PARP15: variants seen among roughly 807,000 people sequenced by gnomAD.
PARP15 encodes protein mono-ADP-ribosyltransferase PARP15.
Under a neutral mutation model 62.1 loss-of-function variants are expected in PARP15, and 50 were observed. That is an observed-to-expected ratio of 0.81 (90% CI 0.64 to 1.02). The LOEUF is 1.02. PARP15 is among the 50% of genes least tolerant of loss of function. PARP15 has a pLI of 0.00. For synonymous variants in PARP15, 309 were observed against 293.1 expected, an observed-to-expected ratio of 1.05 and a Z score of -0.55; for missense variants, 820 against 826.5, an observed-to-expected ratio of 0.99 and a Z score of 0.10.
chr3:122,589,366 A>G (rs927049507), intron 1 of PARP15, among the ~76,000 whole-genome samples: 1 of 152,226 alleles, frequency 6.6e-6, no homozygotes, highest in African/African-American at 2.4e-5. Flanking sequence ...GAATTTAAAG[A>G]GGGACACAAA....
chr3:122,617,239 C>A, intron 6 of PARP15, 75 bp downstream of exon 6: 1 of 1,443,990 alleles, frequency 6.9e-7, no homozygotes, highest in Non-Finnish European at 9.6e-7. Flanking sequence ...CTAATATTTG[C>A]CCTGAGTGGA....
At chr3:122,606,827 A>G (rs1353336346) in intron 2 of PARP15, among the ~76,000 whole-genome samples, 1 of 152,156 alleles carries the variant, frequency 6.6e-6, no homozygotes, top group African/African-American at 2.4e-5. Flanking sequence ...CTATAGCCCC[A>G]CCATTTGGAC....
At chr3:122,579,877 G>A (rs2080761639) in intron 1 of PARP15, among the ~76,000 whole-genome samples, 1 of 151,144 alleles carries the variant, frequency 6.6e-6, no homozygotes, top group Admixed American at 6.6e-5. Flanking sequence ...TACTCAAGAG[G>A]CTGAGGTAGG....
chr3:122,579,609 G>T lies in PARP15; in HGVS notation c.186+1756G>T, dbSNP rs140851670. ...TTGGAGCCTTAGGTATCACTAATTTGCTACTGCTTTCTATTAATAGTTAAA... is the reference window on the plus strand; with the variant it reads ...TTGGAGCCTTAGGTATCACTAATTTTCTACTGCTTTCTATTAATAGTTAAA... On this transcript the variant is annotated intron_variant, in intron 1 of 11. Transcript: ENST00000464300. Among the ~76,000 whole-genome samples, 974 of 152,216 alleles carry T rather than the reference G, an allele frequency of 6.4e-3. 6 individuals carry two copies. Among genetic ancestry groups the T allele is most frequent in the Middle Eastern group, 0.014 (4 of 292 alleles).
Position 122,615,764 on chromosome 3 carries a change from T to C in PARP15, c.772-15T>C. On this transcript the variant is annotated splice_polypyrimidine_tract_variant and intron_variant, in intron 4 of 11. Transcript: ENST00000464300. ...ACACAATATTGTTGTAGTCAGTAAC[T>C]GTTTCTATTTCCAGGCATTTTTAGA... is the stretch of plus-strand genomic sequence containing the variant. 6.2e-7 allele frequency: 1 copy of C among 1,609,582 alleles called. No homozygotes were observed. The highest frequency in any genetic ancestry group is 8.5e-7 in the Non-Finnish European group (1 of 1,175,896).
At position 122,637,353 on chromosome 3, in the gene PARP15, T is replaced by C. The variant is rs2668334; in HGVS notation, c.*1253T>C. On this transcript the variant is annotated 3_prime_UTR_variant, in exon 12 of 12. Transcript: ENST00000464300. ...GGGACAGTGTTAATTAGTGGAAAAC[T>C]CTTTTTCAAAAGTTGAAATCAGTTC... 43,346 of 151,868 alleles carry C rather than the reference T, an allele frequency of 0.29. 7,080 individuals carry two copies. The highest frequency in any genetic ancestry group is 0.45 in the African/African-American group (18,628 of 41,366). The allele number at this position is 151,868 out of a possible 1,614,324, so 9.4% of individuals were successfully genotyped here.
intron 1 of PARP15, among the ~76,000 whole-genome samples, chr3:122,578,543 T>C (rs537094894): frequency 6.6e-6 from 1 of 152,276 alleles, no homozygotes; most frequent in South Asian, 2.1e-4. Flanking sequence ...TAGACTTTCA[T>C]ATGTGGTTCG....
chr3:122,627,255 GT>G (rs1425667102), intron 9 of PARP15, among the ~76,000 whole-genome samples: 1 of 152,184 alleles, frequency 6.6e-6, no homozygotes, highest in African/African-American at 2.4e-5. Context: ...AATAGGAATG[GT>G]AAATAAACAG....
intron 4 of PARP15, chr3:122,615,523 C>A: frequency 2.7e-6 from 3 of 1,122,202 alleles, no homozygotes; most frequent in South Asian, 3.3e-5. Context: ...TCCTGCAGAG[C>A]CACAGTCAGC....
intron 1 of PARP15, among the ~76,000 whole-genome samples, chr3:122,601,754 G>A (rs1934813983): frequency 6.6e-6 from 1 of 152,174 alleles, no homozygotes; most frequent in African/African-American, 2.4e-5. Flanking sequence ...TGCAGGTATT[G>A]TGTGAACAAA....
chr3:122,619,536 T>C (rs1266416856), intron 6 of PARP15, among the ~76,000 whole-genome samples: 2 of 152,192 alleles, frequency 1.3e-5, no homozygotes, highest in African/African-American at 2.4e-5. Context: ...CAGTCCTGTA[T>C]AAATAGAGAA....
At chr3:122,621,295 T>C in intron 7 of PARP15, 149 bp from the exon 8 acceptor site, 3 of 750,284 alleles carry the variant, frequency 4.0e-6, no homozygotes, top group South Asian at 2.0e-5. Context: ...AATGTGGTTG[T>C]CACAGTCCAG....
intron 2 of PARP15, among the ~76,000 whole-genome samples, chr3:122,608,677 A>G (rs1032425991): frequency 5.9e-5 from 9 of 151,898 alleles, no homozygotes; most frequent in African/African-American, 1.9e-4. Flanking sequence ...ATGATTTCCT[A>G]TCTTTTTTGA....
chr3:122,627,013 C>T lies in PARP15; in HGVS notation c.1418C>T (p.Ser473Phe). 1 of 1,611,962 alleles carries T rather than the reference C, an allele frequency of 6.2e-7. No homozygotes were observed. The highest frequency in any genetic ancestry group is 8.5e-7 in the Non-Finnish European group (1 of 1,178,550). ...RDLSASLNFQ[S>F]TFSMTTCNLP... ...CTCTCTGCATCACTGAACTTTCAGT[C>T]CACATTCTCCATGACTACATGTAAG... Residue 473 changes from serine to phenylalanine, a missense_variant, in exon 9 of 12, where the codon TCC becomes TTC. By Grantham distance (155) the Ser-to-Phe change is radical. This residue lies in a region of PARP15 where 731 missense variants were observed against 727.7 expected (regional missense o/e 1.00). Transcript: ENST00000464300.
chr3:122,579,227 T>A (rs150980098), intron 1 of PARP15, among the ~76,000 whole-genome samples: 5 of 152,234 alleles, frequency 3.3e-5, no homozygotes, highest in Non-Finnish European at 7.3e-5. Flanking sequence ...TTTATAGTTA[T>A]CTTCACATAA....
intron 1 of PARP15, among the ~76,000 whole-genome samples, chr3:122,586,755 C>T (rs893855011): frequency 4.6e-5 from 7 of 151,594 alleles, no homozygotes; most frequent in African/African-American, 1.7e-4. Flanking sequence ...CAACATCCAG[C>T]GCCAGAGTGG....
At chr3:122,609,711 TA>T (rs34604043) in intron 2 of PARP15, among the ~76,000 whole-genome samples, 178 of 139,790 alleles carry the variant, frequency 1.3e-3, no homozygotes, top group Middle Eastern at 7.3e-3. Context: ...AAAAAAAAAT[TA>T]AAAAAAAAAA....
intron 9 of PARP15, among the ~76,000 whole-genome samples, chr3:122,628,568 A>G (rs952864026): frequency 2.0e-5 from 3 of 152,246 alleles, no homozygotes; most frequent in African/African-American, 7.2e-5. Flanking sequence ...AATAAAGCTT[A>G]ACTGGTTCAT....
chr3:122,617,122 G>A lies in PARP15; in HGVS notation c.958G>A (p.Val320Ile). ...TGDIATEQVDVIVNSTARTFN... is the reference protein window; with the variant it reads ...TGDIATEQVDIIVNSTARTFN... ...AGATATAGCCACTGAACAGGTAGAT[G>A]TTATTGTAAACTCAACAGCAAGGAC... The change falls in exon 6 of 12, where the codon GTT (valine) becomes ATT (isoleucine). Residue 320 changes from valine to isoleucine, a missense_variant. This residue lies in a region of PARP15 where 731 missense variants were observed against 727.7 expected (regional missense o/e 1.00). Transcript: ENST00000464300. 1 of 1,614,002 alleles carries A rather than the reference G, an allele frequency of 6.2e-7. No homozygotes were observed. The highest frequency in any genetic ancestry group is 1.1e-5 in the South Asian group (1 of 91,074).
Sources: allele counts gnomAD v4.1 joint callset (sites outside exome capture counted in the v4.1 genomes callset), GRCh38; gene constraint gnomAD v4.1.1; regional missense constraint gnomAD v4.1.1; transcripts MANE v1.5; gene names NCBI Gene and HGNC (gene_info 2026-07-23, HGNC 2026-07-21).